Variants in KIF20B observed in about 807,000 individuals in gnomAD.
KIF20B encodes kinesin family member 20B, also known as kinesin-like protein KIF20B.
KIF20B carries 188 observed loss-of-function variants against 232.5 expected under a neutral mutation model. The observed-to-expected ratio is 0.81, with a 90% confidence interval of 0.72 to 0.91. KIF20B has a LOEUF of 0.91. Ranked by LOEUF, KIF20B falls within the 40% of genes least tolerant of loss-of-function variation. The probability of loss-of-function intolerance (pLI) is 0.00; values close to 1 mark genes in which losing one functional copy is unlikely to be tolerated. For missense variants in KIF20B, 2,154 were observed against 2,055.9 expected (o/e 1.05, Z -0.92); for synonymous variants, 712 against 683.0 (o/e 1.04, Z -0.66).
intron 23 of KIF20B, 129 bp from the exon 24 acceptor site, chr10:89,751,217 A>G: frequency 1.5e-6 from 1 of 683,570 alleles, no homozygotes; most frequent in Non-Finnish European, 2.4e-6. Context: ...AATAAGACAA[A>G]GTTTCTGTCT....
At position 89,709,393 on chromosome 10, in the gene KIF20B, C is replaced by T. The variant is rs1484655439; in HGVS notation, c.283C>T (p.Gln95Ter). Residue 95 changes from glutamine to a stop codon, truncating the protein, a stop_gained, in exon 4 of 33, where the codon CAA becomes TAA. Transcript: ENST00000371728. LOFTEE classifies it high-confidence loss of function. ...DSQTVVLKEP[Q>*]CILGRLSEKS... ...ACAGACTGTTGTGCTGAAAGAGCCT[C>T]AATGCATCCTTGGTCGGTTAAGTGA... The T allele has an allele frequency of 3.7e-6, 6 of 1,613,462 alleles. No individual in the cohort carries two copies. The highest frequency in any genetic ancestry group is 2.2e-5 in the East Asian group (1 of 44,830).
intron 31 of KIF20B, among the ~76,000 whole-genome samples, chr10:89,772,153 C>A (rs1373507643): frequency 3.6e-4 from 55 of 152,060 alleles, no homozygotes; most frequent in Admixed American, 2.5e-3. Flanking sequence ...GTACTATGTA[C>A]ATAGTAAGGA....
intron 31 of KIF20B, among the ~76,000 whole-genome samples, chr10:89,770,281 C>T (rs564419122): frequency 6.6e-6 from 1 of 152,164 alleles, no homozygotes; most frequent in East Asian, 1.9e-4. Context: ...CCTTAGTACA[C>T]AGTTTGGGAA....
At chr10:89,746,023 G>C (rs377006944) in intron 23 of KIF20B, 64 bp downstream of exon 23, 2 of 1,163,106 alleles carry the variant, frequency 1.7e-6, no homozygotes, top group Non-Finnish European at 2.6e-6. Context: ...CAGGGCATGC[G>C]ATGGGGGTAT....
intron 27 of KIF20B, among the ~76,000 whole-genome samples, chr10:89,760,199 G>A (rs1197243539): frequency 2.0e-5 from 3 of 152,094 alleles, no homozygotes; most frequent in Admixed American, 2.0e-4. Context: ...CTGGAAAGTA[G>A]GAATAATGAT....
chr10:89,734,138 G>A (rs1841589648), intron 19 of KIF20B, among the ~76,000 whole-genome samples: 1 of 152,038 alleles, frequency 6.6e-6, no homozygotes, highest in Non-Finnish European at 1.5e-5. Flanking sequence ...GGCCGGGCGT[G>A]GTGGCTCATG....
intron 14 of KIF20B, among the ~76,000 whole-genome samples, chr10:89,724,548 T>C (rs1420292455): frequency 6.6e-6 from 1 of 152,090 alleles, no homozygotes; most frequent in Admixed American, 6.6e-5. Context: ...AAAAAAAGAA[T>C]ATAGCTGTAA....
rs1160055698 is a variant in KIF20B at position 89,726,508 on chromosome 10, A to C, written c.2217A>C (p.Lys739Asn). ...GELIKTKEEL[K>N]KRENESDSLI... is the part of the protein sequence containing the mutation. The stretch of plus-strand genomic sequence containing the variant: ...TAATCAAAACCAAAGAAGAGTTAAA[A>C]AAGAGAGAAAATGGTAAGTGGATAC... The change falls in exon 16 of 33, where the codon AAA (lysine) becomes AAC (asparagine). Residue 739 changes from lysine to asparagine, a missense_variant. Physicochemically the swap from Lys to Asn is moderately conservative, Grantham distance 94. Coordinates refer to ENST00000371728, the MANE Select transcript of KIF20B (RefSeq NM_001284259.2). The C allele has an allele frequency of 5.7e-6, 9 of 1,589,460 alleles. No individual in the cohort carries two copies. The highest frequency in any genetic ancestry group is 5.1e-6 in the Non-Finnish European group (6 of 1,167,154).
At chr10:89,727,307 G>A (rs1403265328) in intron 16 of KIF20B, among the ~76,000 whole-genome samples, 4 of 150,446 alleles carry the variant, frequency 2.7e-5, no homozygotes, top group Admixed American at 2.0e-4. Context: ...AGGCTGGAGC[G>A]CAGAGGCATG....
chr10:89,754,181 C>CA (rs1428807568), intron 25 of KIF20B, among the ~76,000 whole-genome samples: 1 of 151,258 alleles, frequency 6.6e-6, no homozygotes, highest in Non-Finnish European at 1.5e-5. Flanking sequence ...CCACCACAAA[C>CA]AAAGTCTTTT....
At chr10:89,706,020 A>T (rs1363752489) in intron 2 of KIF20B, among the ~76,000 whole-genome samples, 1 of 152,010 alleles carries the variant, frequency 6.6e-6, no homozygotes, top group Admixed American at 6.5e-5. Flanking sequence ...TTGTGTTTTC[A>T]TTTTTCTTTG....
chr10:89,765,086 A>T (rs1469848213), intron 29 of KIF20B, among the ~76,000 whole-genome samples: 1 of 151,762 alleles, frequency 6.6e-6, no homozygotes, highest in Non-Finnish European at 1.5e-5. Context: ...AGGTGTAAGG[A>T]AGGGATCCAG....
intron 19 of KIF20B, among the ~76,000 whole-genome samples, chr10:89,733,853 T>C (rs1013585060): frequency 6.6e-6 from 1 of 152,210 alleles, no homozygotes; most frequent in Non-Finnish European, 1.5e-5. Context: ...TGGAATCCTG[T>C]AATGAAATTG....
At chr10:89,746,918 G>A (rs908888569) in intron 23 of KIF20B, among the ~76,000 whole-genome samples, 1 of 152,164 alleles carries the variant, frequency 6.6e-6, no homozygotes, top group African/African-American at 2.4e-5. Flanking sequence ...AATAAAATAA[G>A]TAGTCAAAGC....
intron 21 of KIF20B, among the ~76,000 whole-genome samples, chr10:89,739,711 G>A (rs896490861): frequency 6.9e-6 from 1 of 145,902 alleles, no homozygotes; most frequent in Non-Finnish European, 1.5e-5. Context: ...ATACTTAAAT[G>A]TGTAAGGTCT....
intron 19 of KIF20B, among the ~76,000 whole-genome samples, chr10:89,733,727 A>C (rs907153800): frequency 6.6e-6 from 1 of 152,226 alleles, no homozygotes; most frequent in African/African-American, 2.4e-5. Context: ...AAAATACAGC[A>C]GGCATAATGC....
At position 89,709,327 on chromosome 10, in the gene KIF20B, TG is replaced by T. The variant is rs756696385; in HGVS notation, c.235-13del. The T allele has an allele frequency of 1.9e-6, 3 of 1,597,584 alleles. No homozygotes were observed. On this transcript the variant is annotated splice_polypyrimidine_tract_variant and intron_variant, in intron 3 of 32. Transcript: ENST00000371728. ...TGGCAAAATACTAGTTTTTATTTAT[TG>T]GGGGTATGTTTTCTAGGGCTGTGTG...
Position 89,725,115 on chromosome 10 carries a change from A to G in KIF20B, c.1958A>G (p.Glu653Gly). 1 of 1,614,082 alleles carries G rather than the reference A, an allele frequency of 6.2e-7. No individual in the cohort carries two copies. Among genetic ancestry groups the G allele is most frequent in the Non-Finnish European group, 8.5e-7 (1 of 1,179,960 alleles). The change falls in exon 15 of 33, where the codon GAA becomes GGA. Residue 653 changes from glutamate (E) to glycine (G), a missense_variant. By Grantham distance (98) the Glu-to-Gly change is moderately conservative (BLOSUM62 -2). Coordinates refer to ENST00000371728, the MANE Select transcript of KIF20B (RefSeq NM_001284259.2). ...TTGGTTGGTAAATGTGACACTCGAGAAGAAGCAGCGAAAGACATTTGTGCC... is the reference window on the plus strand; with the variant it reads ...TTGGTTGGTAAATGTGACACTCGAGGAGAAGCAGCGAAAGACATTTGTGCC... ...KDLVGKCDTR[E>G]EAAKDICATK...
rs758186840 is a variant in KIF20B at position 89,725,111 on chromosome 10, C to T, written c.1954C>T (p.Arg652Ter). ...FKDLVGKCDTREEAAKDICAT... is the reference protein window; with the variant it reads ...FKDLVGKCDT Reference sequence around the variant, plus strand: ...GGATTTGGTTGGTAAATGTGACACTCGAGAAGAAGCAGCGAAAGACATTTG... The same window carrying T: ...GGATTTGGTTGGTAAATGTGACACTTGAGAAGAAGCAGCGAAAGACATTTG... Residue 652 changes from arginine (R) to a stop codon, truncating the protein, a stop_gained, in exon 15 of 33, where the codon CGA becomes TGA. Transcript: ENST00000371728. LOFTEE classifies it high-confidence loss of function. 13 of 1,613,542 alleles carry T rather than the reference C, an allele frequency of 8.1e-6. No individual in the cohort carries two copies. Among genetic ancestry groups the T allele is most frequent in the South Asian group, 1.1e-5 (1 of 91,020 alleles).
Sources: gnomAD v4.1 joint callset for allele counts (sites outside exome capture counted in the v4.1 genomes callset) on GRCh38, gnomAD v4.1.1 for gene constraint, MANE v1.5 for transcripts, NCBI Gene and HGNC (gene_info 2026-07-23, HGNC 2026-07-21) for gene names.